ITGBL1: variants seen among roughly 807,000 people sequenced by gnomAD.
ITGBL1 encodes integrin subunit beta like 1, also known as integrin beta-like protein 1.
Under a neutral mutation model 68.5 loss-of-function variants are expected in ITGBL1, and 51 were observed. That is an observed-to-expected ratio of 0.74 (90% CI 0.59 to 0.94). The LOEUF (loss-of-function observed/expected upper bound fraction) is 0.94, where lower values mean the gene tolerates loss of function less well. Ranked by LOEUF, ITGBL1 falls within the 40% of genes least tolerant of loss-of-function variation. The pLI is 0.00. For missense variants in ITGBL1, 649 were observed against 647.4 expected (o/e 1.00, Z -0.03); for synonymous variants, 209 against 227.3 (o/e 0.92, Z 0.72).
chr13:101,689,283 T>C (rs2033830364), intron 7 of ITGBL1, among the ~76,000 whole-genome samples: 1 of 150,188 alleles, frequency 6.7e-6, no homozygotes, highest in African/African-American at 2.5e-5. Context: ...TTTGTGAAAT[T>C]GTGTGAGTAG....
At chr13:101,493,546 G>T (rs1377202473) in intron 2 of ITGBL1, among the ~76,000 whole-genome samples, 1 of 152,096 alleles carries the variant, frequency 6.6e-6, no homozygotes, top group Non-Finnish European at 1.5e-5. Context: ...CTTTGTCCGG[G>T]ACGTGCTTCA....
chr13:101,607,613 A>G (rs190749570), intron 7 of ITGBL1, among the ~76,000 whole-genome samples: 260 of 151,998 alleles, frequency 1.7e-3, no homozygotes, highest in Middle Eastern at 3.4e-3. Context: ...ATAGGTTTAA[A>G]TGAAAAAAAA....
At chr13:101,641,093 G>T (rs78758978) in intron 7 of ITGBL1, among the ~76,000 whole-genome samples, 1 of 152,110 alleles carries the variant, frequency 6.6e-6, no homozygotes, top group South Asian at 2.1e-4. Flanking sequence ...GTTGTTTCAT[G>T]TGTATATATG....
intron 2 of ITGBL1, among the ~76,000 whole-genome samples, chr13:101,477,071 A>G (rs1224976449): frequency 1.3e-5 from 2 of 152,132 alleles, no homozygotes; most frequent in African/African-American, 4.8e-5. Flanking sequence ...GATCATTCTC[A>G]AGGGTAGACT....
chr13:101,481,085 C>CACACGCATAT (rs71121196), intron 2 of ITGBL1, among the ~76,000 whole-genome samples: 28,335 of 149,004 alleles, frequency 0.19, 3,280 homozygotes, highest in East Asian at 0.43. Flanking sequence ...TATATACACA[C>CACACGCATAT]ATATATATAC....
At chr13:101,691,424 C>T (rs2033880621) in intron 7 of ITGBL1, among the ~76,000 whole-genome samples, 1 of 152,044 alleles carries the variant, frequency 6.6e-6, no homozygotes, top group East Asian at 1.9e-4. Flanking sequence ...TTTTTCTTTC[C>T]CCCATCATCC....
intron 2 of ITGBL1, among the ~76,000 whole-genome samples, chr13:101,498,003 ATAGTAGT>A (rs2048882185): frequency 6.6e-6 from 1 of 152,032 alleles, no homozygotes; most frequent in African/African-American, 2.4e-5. Flanking sequence ...TGTTTTTCCA[ATAGTAGT>A]GTCTGGTTCT....
chr13:101,516,214 C>T (rs1566711076), intron 2 of ITGBL1, among the ~76,000 whole-genome samples: 2 of 152,054 alleles, frequency 1.3e-5, no homozygotes, highest in African/African-American at 2.4e-5. Context: ...GTTTTTAAAA[C>T]GGTTTTTCTG....
At chr13:101,456,515 C>T (rs2048246369) in intron 2 of ITGBL1, among the ~76,000 whole-genome samples, 1 of 152,210 alleles carries the variant, frequency 6.6e-6, no homozygotes, top group Non-Finnish European at 1.5e-5. Context: ...CATGAAAGTT[C>T]CTGTAGGTCC....
chr13:101,601,940 G>C (rs962704384), intron 7 of ITGBL1, among the ~76,000 whole-genome samples: 31 of 152,004 alleles, frequency 2.0e-4, no homozygotes, highest in African/African-American at 7.2e-4. Context: ...TGAATGAGGG[G>C]CTATTAGTCT....
Position 101,558,165 on chromosome 13 carries a change from C to T in ITGBL1, c.317-9534C>T, listed in dbSNP as rs905616359. ...AAGGAGGAAACTAAAGCAAGGATTA[C>T]TTTTATTGCAAAAGAGGTGGAGGAA... On this transcript the variant is annotated intron_variant, in intron 2 of 10. Coordinates refer to ENST00000376180, the MANE Select transcript of ITGBL1 (RefSeq NM_004791.3). Among the ~76,000 whole-genome samples, 65 of 141,676 alleles carry T rather than the reference C, an allele frequency of 4.6e-4. 1 individual carries two copies. The highest frequency in any genetic ancestry group is 8.1e-4 in the Non-Finnish European group (53 of 65,688). 92.9% of individuals were successfully genotyped at this position (141,676 alleles called of 152,430 possible).
intron 7 of ITGBL1, among the ~76,000 whole-genome samples, chr13:101,599,114 T>G (rs936183654): frequency 5.3e-5 from 8 of 152,148 alleles, no homozygotes; most frequent in African/African-American, 1.9e-4. Context: ...CCTGACTTTT[T>G]AATGATTGCC....
intron 2 of ITGBL1, among the ~76,000 whole-genome samples, chr13:101,475,513 CA>C (rs139232127): frequency 0.14 from 21,597 of 151,848 alleles, 2,031 homozygotes; most frequent in East Asian, 0.43. Context: ...AAAATTTATT[CA>C]AAGGGATAGC....
chr13:101,596,191 A>C (rs1349550835), intron 6 of ITGBL1, among the ~76,000 whole-genome samples: 1 of 151,978 alleles, frequency 6.6e-6, no homozygotes, highest in African/African-American at 2.4e-5. Flanking sequence ...AGACATAGAC[A>C]AAAAAACACT....
chr13:101,476,065 T>C (rs1296991764), intron 2 of ITGBL1, among the ~76,000 whole-genome samples: 1 of 152,132 alleles, frequency 6.6e-6, no homozygotes, highest in Non-Finnish European at 1.5e-5. Flanking sequence ...TATAGCACTG[T>C]AATTGTGTGT....
rs1328932640 is a variant in ITGBL1, at chr13:101,604,884, A to ATG, written c.1015+6586_1015+6587insGT. On this transcript the variant is annotated intron_variant, in intron 7 of 10. Transcript: ENST00000376180. Reference sequence around the variant, plus strand: ...TATATATATATATATATATATATATATATACACACACACACACATATATAT... The same window carrying ATG: ...TATATATATATATATATATATATATATGTATACACACACACACACATATATAT... Among the ~76,000 whole-genome samples the ATG allele has an allele frequency of 5.7e-3, 381 of 66,636 alleles. 31 individuals carry two copies. Among genetic ancestry groups the ATG allele is most frequent in the Non-Finnish European group, 8.4e-3 (275 of 32,916 alleles). 43.7% of individuals were successfully genotyped at this position (66,636 alleles called of 152,430 possible).
At chr13:101,472,387 T>C (rs1210606267) in intron 2 of ITGBL1, among the ~76,000 whole-genome samples, 1 of 152,232 alleles carries the variant, frequency 6.6e-6, no homozygotes, top group Non-Finnish European at 1.5e-5. Context: ...GTAAGCTGCT[T>C]ACCTATGTTT....
chr13:101,563,998 A>C (rs1033841733), intron 2 of ITGBL1, among the ~76,000 whole-genome samples: 1 of 151,952 alleles, frequency 6.6e-6, no homozygotes, highest in African/African-American at 2.4e-5. Flanking sequence ...AGGCTGGTAC[A>C]ACATTAAAAA....
intron 2 of ITGBL1, among the ~76,000 whole-genome samples, chr13:101,500,189 A>G (rs954197360): frequency 6.6e-6 from 1 of 152,188 alleles, no homozygotes; most frequent in African/African-American, 2.4e-5. Flanking sequence ...TGCCTGCTCC[A>G]ACAAGCCAGA....
Sources: allele counts gnomAD v4.1 joint callset (sites outside exome capture counted in the v4.1 genomes callset), GRCh38; gene constraint gnomAD v4.1.1; transcripts MANE v1.5; gene names NCBI Gene and HGNC (gene_info 2026-07-23, HGNC 2026-07-21).